The following MALRD1 variants were observed in gnomAD, a reference collection of about 807,000 sequenced individuals.
MALRD1 encodes MAM and LDL receptor class A domain containing 1.
A neutral mutation model predicts 242.1 loss-of-function variants in MALRD1; 247 were observed. That is an observed-to-expected ratio of 1.02 (90% CI 0.92 to 1.13). MALRD1 has a LOEUF of 1.13. Ranked by LOEUF, MALRD1 falls within the 50% of genes most tolerant of loss-of-function variation. The probability of loss-of-function intolerance (pLI) is 0.00; values close to 1 mark genes in which losing one functional copy is unlikely to be tolerated. For synonymous variants in MALRD1, 995 were observed against 866.6 expected (o/e 1.15, Z -2.60); for missense variants, 2,989 against 2,533.1 (o/e 1.18, Z -3.86).
chr10:19,308,572 G>T (rs1323638623), intron 21 of MALRD1, among the ~76,000 whole-genome samples: 1 of 151,490 alleles, frequency 6.6e-6, no homozygotes, highest in Non-Finnish European at 1.5e-5. Context: ...CTTCTTCTAA[G>T]AAGATATCAT....
At chr10:19,599,476 G>A (rs7067943) in intron 34 of MALRD1, among the ~76,000 whole-genome samples, 6,187 of 152,092 alleles carry the variant, frequency 0.041, 387 homozygotes, top group African/African-American at 0.13. Flanking sequence ...GAAAAAAGAA[G>A]CATAGTTAAT....
chr10:19,252,407 C>T (rs1016107485), intron 18 of MALRD1, among the ~76,000 whole-genome samples: 17 of 151,892 alleles, frequency 1.1e-4, no homozygotes, highest in African/African-American at 1.9e-4. Flanking sequence ...AATCACTTGG[C>T]GCAATGCCTA....
chr10:19,684,213 G>A (rs1842485071), intron 36 of MALRD1, among the ~76,000 whole-genome samples: 1 of 152,054 alleles, frequency 6.6e-6, no homozygotes, highest in African/African-American at 2.4e-5. Flanking sequence ...TGCACCCTTT[G>A]GTGATTTACA....
chr10:19,346,735 C>G (rs1040132566), intron 24 of MALRD1, among the ~76,000 whole-genome samples: 1 of 152,146 alleles, frequency 6.6e-6, no homozygotes, highest in Non-Finnish European at 1.5e-5. Context: ...ACTGCACCCT[C>G]TACCTCCTGG....
chr10:19,327,438 C>T, intron 22 of MALRD1, 125 bp from the exon 23 acceptor site: 1 of 636,404 alleles, frequency 1.6e-6, no homozygotes, highest in East Asian at 2.8e-5. Context: ...TATCTTAGCT[C>T]TTCTCTCCAG....
chr10:19,731,829 G>T (rs552994604), intron 39 of MALRD1, among the ~76,000 whole-genome samples: 6 of 152,116 alleles, frequency 3.9e-5, no homozygotes, highest in Non-Finnish European at 8.8e-5. Flanking sequence ...GAAAGCTAAA[G>T]TTTTAATTAT....
At chr10:19,463,616 T>C (rs188269462) in intron 29 of MALRD1, among the ~76,000 whole-genome samples, 2 of 151,572 alleles carry the variant, frequency 1.3e-5, no homozygotes, top group Non-Finnish European at 2.9e-5. Flanking sequence ...TATCTACTCA[T>C]TGACTGGTGG....
At chr10:19,631,534 G>T (rs543406801) in intron 36 of MALRD1, among the ~76,000 whole-genome samples, 1 of 152,222 alleles carries the variant, frequency 6.6e-6, no homozygotes, top group South Asian at 2.1e-4. Flanking sequence ...TGGATCCAAT[G>T]GTAGCTCTGT....
intron 18 of MALRD1, among the ~76,000 whole-genome samples, chr10:19,245,507 T>C (rs1839004890): frequency 6.6e-6 from 1 of 152,210 alleles, no homozygotes; most frequent in East Asian, 1.9e-4. Context: ...CATTCTTATC[T>C]CAGTTACCAG....
intron 28 of MALRD1, among the ~76,000 whole-genome samples, chr10:19,409,656 A>C (rs1373384033): frequency 6.6e-6 from 1 of 152,102 alleles, no homozygotes; most frequent in African/African-American, 2.4e-5. Flanking sequence ...TCTAGTTTTG[A>C]AAGACATTAC....
At chr10:19,729,729 T>G (rs1835203739) in intron 38 of MALRD1, among the ~76,000 whole-genome samples, 2 of 108,998 alleles carry the variant, frequency 1.8e-5, no homozygotes, top group Non-Finnish European at 3.9e-5. Context: ...TTCTTTTTTT[T>G]TTTTTTTTTT....
At chr10:19,652,087 G>A (rs1172699896) in intron 36 of MALRD1, among the ~76,000 whole-genome samples, 3 of 152,162 alleles carry the variant, frequency 2.0e-5, no homozygotes, top group Admixed American at 2.0e-4. Context: ...GGCCAGCGAG[G>A]GTGACCATGA....
In MALRD1 at chr10:19,595,384, C is replaced by T. The variant is rs1416866563; in HGVS notation, c.5871C>T (p.Asp1957=). The T allele has an allele frequency of 1.1e-5, 17 of 1,550,410 alleles. No individual in the cohort carries two copies. The highest frequency in any genetic ancestry group is 1.4e-5 in the African/African-American group (1 of 73,022). ...ACATGGAGTTCCCGTGCTCTACAGACGAGTGTATACCTTCCCTCCTGCTAT... is the reference window on the plus strand; with the variant it reads ...ACATGGAGTTCCCGTGCTCTACAGATGAGTGTATACCTTCCCTCCTGCTAT... ...CSNMEFPCST[D]ECIPSLLLCD... The change falls in exon 34 of 40, where the codon GAC becomes GAT. Residue 1957 remains aspartate, a synonymous_variant. Coordinates refer to ENST00000454679, the MANE Select transcript of MALRD1 (RefSeq NM_001142308.3).
intron 2 of MALRD1, among the ~76,000 whole-genome samples, chr10:19,081,676 G>C (rs971679390): frequency 6.6e-6 from 1 of 151,934 alleles, no homozygotes; most frequent in Admixed American, 6.6e-5. Flanking sequence ...CTTAATACCT[G>C]GGTGATGGAT....
intron 28 of MALRD1, among the ~76,000 whole-genome samples, chr10:19,447,069 G>GACACAC (rs374350237): frequency 0.039 from 5,480 of 141,824 alleles, 126 homozygotes; most frequent in South Asian, 0.085. Context: ...CACATACACA[G>GACACAC]ACACACACAC....
In MALRD1 at chr10:19,595,374, G is replaced by A; in HGVS notation, c.5861G>A (p.Cys1954Tyr). ...PPLCSNMEFP[C>Y]STDECIPSLL... ...CTCTGTAGTAACATGGAGTTCCCGT[G>A]CTCTACAGACGAGTGTATACCTTCC... is the stretch of plus-strand genomic sequence containing the variant. Residue 1954 changes from cysteine (C) to tyrosine (Y), a missense_variant, in exon 34 of 40, where the codon TGC becomes TAC. Cys to Tyr is a radical substitution (Grantham distance 194). Transcript: ENST00000454679. 6.4e-7 allele frequency: 1 copy of A among 1,550,448 alleles called. No individual in the cohort carries two copies. Among genetic ancestry groups the A allele is most frequent in the South Asian group, 1.2e-5 (1 of 84,054 alleles).
At chr10:19,584,484 C>A (rs1264177192) in intron 33 of MALRD1, among the ~76,000 whole-genome samples, 2 of 151,958 alleles carry the variant, frequency 1.3e-5, no homozygotes, top group East Asian at 1.9e-4. Context: ...CGTTATGTAC[C>A]CAGTAGTCAT....
chr10:19,401,886 T>C (rs12415964), intron 28 of MALRD1, among the ~76,000 whole-genome samples: 10,752 of 152,236 alleles, frequency 0.071, 441 homozygotes, highest in East Asian at 0.12. Context: ...TTGTGTACTT[T>C]TTATGTAATT....
At chr10:19,396,507 G>A (rs55956631) in intron 28 of MALRD1, among the ~76,000 whole-genome samples, 18,035 of 152,064 alleles carry the variant, frequency 0.12, 1,279 homozygotes, top group East Asian at 0.24. Flanking sequence ...AAGATGGCAA[G>A]GAAGATACTT....
Sources: gnomAD v4.1 joint callset for allele counts (sites outside exome capture counted in the v4.1 genomes callset) on GRCh38, gnomAD v4.1.1 for gene constraint, MANE v1.5 for transcripts, NCBI Gene and HGNC (gene_info 2026-07-23, HGNC 2026-07-21) for gene names.